Variants in GCC2 observed in about 807,000 individuals in gnomAD.
GCC2 encodes GRIP and coiled-coil domain containing 2.
A neutral mutation model predicts 210.6 loss-of-function variants in GCC2; 120 were observed. The ratio of observed to expected loss-of-function variants is 0.57; its 90% CI spans 0.49 to 0.66. The LOEUF is 0.66. Among genes scored for constraint, GCC2 ranks in the 30% least tolerant of loss-of-function variants. The probability of loss-of-function intolerance (pLI) is 0.00; values close to 1 mark genes in which losing one functional copy is unlikely to be tolerated. For synonymous variants in GCC2, 703 were observed against 652.7 expected (o/e 1.08, Z -1.17); for missense variants, 1,868 against 1,871.9 (o/e 1.00, Z 0.04).
In GCC2 at chr2:108,471,006, T is replaced by C; in HGVS notation, c.1677T>C (p.Asn559=). The stretch of plus-strand genomic sequence containing the variant: ...AAGAATTGGTACCAGAACTTGAAAA[T>C]ACCATAAAGAACCTTCAAGAAAAGA... ...SQQELVPELE[N]TIKNLQEKNG... The change falls in exon 6 of 23, where the codon AAT becomes AAC. Residue 559 remains asparagine, a synonymous_variant. Transcript: ENST00000309863. 6.2e-7 allele frequency: 1 copy of C among 1,612,676 alleles called. No homozygotes were observed. The highest frequency in any genetic ancestry group is 8.5e-7 in the Non-Finnish European group (1 of 1,179,184).
At chr2:108,475,023 C>G (rs6719131) in intron 7 of GCC2, 57,250 of 152,052 alleles carry the variant, frequency 0.38, 12,367 homozygotes, top group East Asian at 0.89. Context: ...AAACAAATAC[C>G]AAGAAGTCCT....
At position 108,449,229 on chromosome 2, in the gene GCC2, C is replaced by T. The variant is rs747693822; in HGVS notation, c.-46C>T. On this transcript the variant is annotated 5_prime_UTR_variant, in exon 1 of 23. Coordinates refer to ENST00000309863, the MANE Select transcript of GCC2 (RefSeq NM_181453.4). ...TCAGAGGCTGGCGCAAACAGAAGTG[C>T]AGCGGTGGCGGCGGCTGGTTGCGGG... 1.9e-5 allele frequency: 29 copies of T among 1,541,760 alleles called. No homozygotes were observed. Among genetic ancestry groups the T allele is most frequent in the African/African-American group, 4.1e-5 (3 of 72,992 alleles).
chr2:108,454,660 G>A (rs1680151769), intron 4 of GCC2, among the ~76,000 whole-genome samples: 1 of 152,188 alleles, frequency 6.6e-6, no homozygotes, highest in Admixed American at 6.5e-5. Context: ...CTACTGATCA[G>A]CTGTGTGACC....
intron 4 of GCC2, among the ~76,000 whole-genome samples, chr2:108,460,949 T>C (rs1680538632): frequency 2.0e-5 from 3 of 152,158 alleles, no homozygotes; most frequent in Non-Finnish European, 2.9e-5. Flanking sequence ...TGTGCCTCCT[T>C]CTCCTTCCTC....
At chr2:108,486,114 C>A (rs1006322705) in intron 15 of GCC2, among the ~76,000 whole-genome samples, 1 of 151,980 alleles carries the variant, frequency 6.6e-6, no homozygotes, top group South Asian at 2.1e-4. Context: ...TTTGGAAATT[C>A]ATAATATACT....
At chr2:108,487,652 G>A (rs753724489) in intron 16 of GCC2, 47 bp from the exon 17 acceptor site, 1 of 1,499,066 alleles carries the variant, frequency 6.7e-7, no homozygotes, top group South Asian at 1.3e-5. Context: ...GAAAATAGAA[G>A]GACCCTGTTA....
At chr2:108,469,531 A>G in intron 5 of GCC2, 120 bp from the exon 6 acceptor site, 2 of 663,580 alleles carry the variant, frequency 3.0e-6, no homozygotes, top group Non-Finnish European at 5.1e-6. Context: ...ATGTTTCTCC[A>G]AATACATTTC....
chr2:108,455,139 G>A (rs1163862581), intron 4 of GCC2, among the ~76,000 whole-genome samples: 2 of 151,850 alleles, frequency 1.3e-5, no homozygotes, highest in Non-Finnish European at 2.9e-5. Flanking sequence ...TACTCCTAAA[G>A]ACAAGATTAG....
At position 108,509,362 on chromosome 2, in the gene GCC2, ATTATT is replaced by A. The variant is rs1230527344; in HGVS notation, c.*1736_*1740del. 2.6e-5 allele frequency: 4 copies of A among 152,334 alleles called. No individual in the cohort carries two copies. The highest frequency in any genetic ancestry group is 4.1e-4 in the South Asian group (2 of 4,832). The allele number at this position is 152,334 out of a possible 1,614,324, so 9.4% of individuals were successfully genotyped here. A position where few individuals can be genotyped will look rare whatever the true frequency, so the allele number is the denominator to read the frequency against. On this transcript the variant is annotated 3_prime_UTR_variant, in exon 23 of 23. Coordinates refer to ENST00000309863, the MANE Select transcript of GCC2 (RefSeq NM_181453.4). ...TTCTGCAATGAGAGGAAGTGTAATGATTATTTTAATATTTCTATTAAATATGTTTA... is the reference window on the plus strand; with the variant it reads ...TTCTGCAATGAGAGGAAGTGTAATGATTAATATTTCTATTAAATATGTTTA...
At position 108,505,949 on chromosome 2, in the gene GCC2, G is replaced by C. The variant is rs187708326; in HGVS notation, c.4985-1611G>C. Among the ~76,000 whole-genome samples, 459 of 152,168 alleles carry C rather than the reference G, an allele frequency of 3.0e-3. 2 individuals carry two copies. Among genetic ancestry groups the C allele is most frequent in the Non-Finnish European group, 5.5e-3 (377 of 68,016 alleles). On this transcript the variant is annotated intron_variant, in intron 22 of 22. Transcript: ENST00000309863. ...TTTTGAAAATGCTACTCTGCCTAAG[G>C]TCAAACTGACATACATATATACGTA... is the stretch of plus-strand genomic sequence containing the variant.
intron 12 of GCC2, among the ~76,000 whole-genome samples, chr2:108,483,591 A>G (rs2104479596): frequency 6.6e-6 from 1 of 152,336 alleles, no homozygotes. Context: ...TGGTACTAAA[A>G]TAATGCTTTA....
At chr2:108,480,189 G>A (rs1340664553) in intron 9 of GCC2, among the ~76,000 whole-genome samples, 1 of 152,066 alleles carries the variant, frequency 6.6e-6, no homozygotes, top group African/African-American at 2.4e-5. Flanking sequence ...CAGTGTGCTA[G>A]CAATAAAACC....
chr2:108,455,427 AGACTCCGTCT>A (rs1680204185), intron 4 of GCC2, among the ~76,000 whole-genome samples: 1 of 152,102 alleles, frequency 6.6e-6, no homozygotes, highest in African/African-American at 2.4e-5. Flanking sequence ...CAACAGAGTG[AGACTCCGTCT>A]CAAGAAAAAA....
Position 108,507,805 on chromosome 2 carries a change from C to CA in GCC2, c.*176dup, listed in dbSNP as rs1683279089. 3.8e-6 allele frequency: 2 copies of CA among 527,616 alleles called. No homozygotes were observed. The highest frequency in any genetic ancestry group is 6.9e-6 in the Non-Finnish European group (2 of 291,272). 32.7% of individuals were successfully genotyped at this position (527,616 alleles called of 1,614,324 possible). ...GTTTCATCTTGAAGTAAAAGTACAACAGCTTGAAGTGTTGATAGCAGGCCA... is the reference window on the plus strand; with the variant it reads ...GTTTCATCTTGAAGTAAAAGTACAACAAGCTTGAAGTGTTGATAGCAGGCCA... On this transcript the variant is annotated 3_prime_UTR_variant, in exon 23 of 23. Transcript: ENST00000309863.
At chr2:108,453,643 G>T (rs1680081352) in intron 4 of GCC2, among the ~76,000 whole-genome samples, 1 of 151,866 alleles carries the variant, frequency 6.6e-6, no homozygotes, top group African/African-American at 2.4e-5. Flanking sequence ...CATTTAGCTG[G>T]GCGTGATTGC....
chr2:108,485,343 A>G (rs936765649), intron 13 of GCC2, among the ~76,000 whole-genome samples: 1 of 152,138 alleles, frequency 6.6e-6, no homozygotes, highest in South Asian at 2.1e-4. Context: ...AAGAAAAAAA[A>G]AAGATGTTTG....
chr2:108,483,946 C>T (rs1682000095), intron 12 of GCC2, among the ~76,000 whole-genome samples: 1 of 152,134 alleles, frequency 6.6e-6, no homozygotes, highest in South Asian at 2.1e-4. Flanking sequence ...TTGGGTTAAA[C>T]TATTAGAAAA....
Position 108,471,961 on chromosome 2 carries a change from C to G in GCC2, c.2632C>G (p.Leu878Val). 1 of 1,604,112 alleles carries G rather than the reference C, an allele frequency of 6.2e-7. No individual in the cohort carries two copies. Among genetic ancestry groups the G allele is most frequent in the Non-Finnish European group, 8.5e-7 (1 of 1,177,338 alleles). ...NEKTRLENQNLLIQVEEVSQT... is the reference protein window; with the variant it reads ...NEKTRLENQNVLIQVEEVSQT... Reference sequence around the variant, plus strand: ...AAAAACAAGGCTTGAAAATCAGAATCTTTTAATTCAAGTTGAAGAAGTATC... The same window carrying G: ...AAAAACAAGGCTTGAAAATCAGAATGTTTTAATTCAAGTTGAAGAAGTATC... The change falls in exon 6 of 23, where the codon CTT becomes GTT. Residue 878 changes from leucine to valine, a missense_variant. Coordinates refer to ENST00000309863, the MANE Select transcript of GCC2 (RefSeq NM_181453.4).
intron 21 of GCC2, among the ~76,000 whole-genome samples, chr2:108,499,090 ATAC>A (rs1357750589): frequency 7.5e-5 from 9 of 119,718 alleles, no homozygotes; most frequent in Non-Finnish European, 1.2e-4. Context: ...CTCGTCAGTG[ATAC>A]TTGGTAAGCT....
Sources: allele counts gnomAD v4.1 joint callset (sites outside exome capture counted in the v4.1 genomes callset), GRCh38; gene constraint gnomAD v4.1.1; transcripts MANE v1.5; gene names NCBI Gene and HGNC (gene_info 2026-07-23, HGNC 2026-07-21).